GPR39: variants seen among roughly 807,000 people sequenced by gnomAD.
GPR39 encodes G protein-coupled receptor 39.
In GPR39, 23 loss-of-function variants were observed where a neutral mutation model predicts 18.4. The observed-to-expected ratio is 1.25, with a 90% CI of 0.90 to 1.77. The LOEUF (loss-of-function observed/expected upper bound fraction) is 1.77, where lower values mean the gene tolerates loss of function less well. GPR39 is among the 40% of genes most tolerant of loss of function. The pLI is 0.00. For missense variants in GPR39, 647 were observed against 602.4 expected (o/e 1.07, Z -0.78); for synonymous variants, 280 against 257.9 (o/e 1.09, Z -0.82).
At chr2:132,511,043 A>G (rs889144355) in intron 1 of GPR39, among the ~76,000 whole-genome samples, 13 of 152,258 alleles carry the variant, frequency 8.5e-5, no homozygotes, top group Non-Finnish European at 1.3e-4. Flanking sequence ...AGCCTAAAGC[A>G]TAAACCTTTT....
Position 132,417,825 on chromosome 2 carries a change from G to C in GPR39, c.783G>C (p.Thr261=), listed in dbSNP as rs1280709293. 6.2e-7 allele frequency: 1 copy of C among 1,613,634 alleles called. No individual in the cohort carries two copies. The highest frequency in any genetic ancestry group is 1.7e-5 in the Admixed American group (1 of 60,028). Residue 261 remains threonine, a synonymous_variant, in exon 1 of 2, where the codon ACG becomes ACC. Coordinates refer to ENST00000329321, the MANE Select transcript of GPR39 (RefSeq NM_001508.3). ...KSQKGSLAGG[T]RPPQLRKSES... ...AGAAGGGCTCGCTGGCCGGGGGCACGCGGCCTCCGCAGCTGAGGAAGTCCG... is the reference window on the plus strand; with the variant it reads ...AGAAGGGCTCGCTGGCCGGGGGCACCCGGCCTCCGCAGCTGAGGAAGTCCG...
chr2:132,584,290 C>A (rs1043189012), intron 1 of GPR39, among the ~76,000 whole-genome samples: 1 of 152,156 alleles, frequency 6.6e-6, no homozygotes, highest in Admixed American at 6.5e-5. Context: ...AGAGGAGCAG[C>A]ATCCCCGAAA....
intron 1 of GPR39, among the ~76,000 whole-genome samples, chr2:132,567,179 G>A (rs751827198): frequency 3.3e-5 from 5 of 152,146 alleles, no homozygotes; most frequent in Non-Finnish European, 5.9e-5. Flanking sequence ...AAAATTAACC[G>A]GGCATGGCGG....
chr2:132,630,126 G>C (rs1402556082), intron 1 of GPR39, among the ~76,000 whole-genome samples: 1 of 152,124 alleles, frequency 6.6e-6, no homozygotes, highest in East Asian at 1.9e-4. Flanking sequence ...ATAGACATAG[G>C]ATAGATCCAG....
chr2:132,480,143 G>A (rs1056836333), intron 1 of GPR39, among the ~76,000 whole-genome samples: 2 of 152,184 alleles, frequency 1.3e-5, no homozygotes, highest in African/African-American at 4.8e-5. Context: ...TATGCTAAGT[G>A]AAATAAGTCA....
chr2:132,511,421 C>G (rs556409001), intron 1 of GPR39, among the ~76,000 whole-genome samples: 12 of 152,154 alleles, frequency 7.9e-5, no homozygotes, highest in Admixed American at 2.0e-4. Flanking sequence ...CAATACTACA[C>G]TAATTTGAAT....
intron 1 of GPR39, among the ~76,000 whole-genome samples, chr2:132,547,374 G>A (rs1012457570): frequency 6.6e-6 from 1 of 152,194 alleles, no homozygotes; most frequent in African/African-American, 2.4e-5. Context: ...CAGTAAGGAT[G>A]CCTGGGGAGG....
chr2:132,531,472 A>G (rs1187563219), intron 1 of GPR39, among the ~76,000 whole-genome samples: 6 of 152,222 alleles, frequency 3.9e-5, no homozygotes, highest in African/African-American at 1.4e-4. Flanking sequence ...AAGGATATCC[A>G]GGAATTGAAC....
chr2:132,525,035 G>C lies in GPR39; in HGVS notation c.856+107137G>C, dbSNP rs534678935. Among the ~76,000 whole-genome samples the C allele has an allele frequency of 7.2e-5, 11 of 152,242 alleles. No individual in the cohort carries two copies. In the South Asian group the frequency reaches 2.3e-3, roughly 32 times the overall value. On this transcript the variant is annotated intron_variant, in intron 1 of 1. Transcript: ENST00000329321. ...TTTGTCTGTGTGGGACCCCTGACTA[G>C]AATGTCCCCCTACCCATCAGCTGCC...
chr2:132,597,577 G>A (rs1680968791), intron 1 of GPR39, among the ~76,000 whole-genome samples: 1 of 152,198 alleles, frequency 6.6e-6, no homozygotes, highest in Non-Finnish European at 1.5e-5. Context: ...AGATCCAGAA[G>A]CACTCTTGGA....
intron 1 of GPR39, among the ~76,000 whole-genome samples, chr2:132,634,607 A>C (rs2104873378): frequency 6.6e-6 from 1 of 152,326 alleles, no homozygotes; most frequent in South Asian, 2.1e-4. Context: ...ATAGAGTGTC[A>C]AAATGGCTTC....
intron 1 of GPR39, among the ~76,000 whole-genome samples, chr2:132,505,420 C>G (rs1037467834): frequency 6.6e-6 from 1 of 152,180 alleles, no homozygotes; most frequent in African/African-American, 2.4e-5. Context: ...ATTCTCTCTT[C>G]TAGCTATTTA....
intron 1 of GPR39, among the ~76,000 whole-genome samples, chr2:132,465,856 G>A (rs1680918785): frequency 6.6e-6 from 1 of 152,178 alleles, no homozygotes; most frequent in Non-Finnish European, 1.5e-5. Flanking sequence ...ATGAGGTGGT[G>A]TATATAATGT....
chr2:132,417,501 G>A lies in GPR39; in HGVS notation c.459G>A (p.Lys153=), dbSNP rs1484145873. ...CTGTGTCGGGACCTTGCCAGGTGAA[G>A]CTGCTGATTGGCTTCGTCTGGGTCA... ...YKAVSGPCQV[K]LLIGFVWVTS... is the part of the protein sequence containing the mutation. The change falls in exon 1 of 2, where the codon AAG becomes AAA. Residue 153 remains lysine, a synonymous_variant. Transcript: ENST00000329321. 6.2e-7 allele frequency: 1 copy of A among 1,614,162 alleles called. No individual in the cohort carries two copies. Among genetic ancestry groups the A allele is most frequent in the Non-Finnish European group, 8.5e-7 (1 of 1,180,030 alleles).
intron 1 of GPR39, chr2:132,604,454 A>G (rs1409209335): frequency 1.3e-5 from 2 of 152,222 alleles, no homozygotes; most frequent in African/African-American, 2.4e-5. Flanking sequence ...ACACAAGCCA[A>G]CAGACCTGGG....
chr2:132,527,613 A>T lies in GPR39; in HGVS notation c.856+109715A>T, dbSNP rs1048841054. ...CATTGCCAGCATCTATTGTTTCTTG[A>T]CTTTTTAATAATCACCATTCTGACT... On this transcript the variant is annotated intron_variant, in intron 1 of 1. Transcript: ENST00000329321. 2.0e-5 allele frequency among the ~76,000 whole-genome samples: 3 copies of T among 152,166 alleles called. No individual in the cohort carries two copies. In the East Asian group the frequency reaches 5.8e-4, roughly 29 times the overall value.
chr2:132,606,931 G>A (rs996974503), intron 1 of GPR39, among the ~76,000 whole-genome samples: 1 of 152,190 alleles, frequency 6.6e-6, no homozygotes, highest in Non-Finnish European at 1.5e-5. Context: ...TCCAAAAGCA[G>A]AGGACCCTGC....
chr2:132,468,689 G>A (rs1193956881), intron 1 of GPR39, among the ~76,000 whole-genome samples: 2 of 152,216 alleles, frequency 1.3e-5, no homozygotes, highest in Admixed American at 1.3e-4. Context: ...TCTGGCCATA[G>A]CTTACGTGTG....
In GPR39 at chr2:132,645,569, C is replaced by T. The variant is rs770359662; in HGVS notation, c.1325C>T (p.Ser442Phe). The change falls in exon 2 of 2, where the codon TCT (serine) becomes TTT (phenylalanine). Residue 442 changes from serine to phenylalanine, a missense_variant. Around this residue, in one of 3 missense-constraint regions of GPR39, gnomAD observed 581 missense variants for 506.8 expected, o/e 1.15. Coordinates refer to ENST00000329321, the MANE Select transcript of GPR39 (RefSeq NM_001508.3). ...AACTCAGGCGCGAAACCAGCCAATT[C>T]TGCTGCAGAGAATGGTTTTCAGGAG... ...EPNSGAKPANSAAENGFQEHE... is the reference protein window; with the variant it reads ...EPNSGAKPANFAAENGFQEHE... The T allele has an allele frequency of 1.2e-6, 2 of 1,614,020 alleles. No homozygotes were observed. Among genetic ancestry groups the T allele is most frequent in the Admixed American group, 1.7e-5 (1 of 59,992 alleles).
Sources: gnomAD v4.1 joint callset for allele counts (sites outside exome capture counted in the v4.1 genomes callset) on GRCh38, gnomAD v4.1.1 for gene constraint, gnomAD v4.1.1 regional missense constraint, MANE v1.5 for transcripts, NCBI Gene and HGNC (gene_info 2026-07-23, HGNC 2026-07-21) for gene names.